The following MON2 variants were observed in gnomAD, a reference collection of about 807,000 sequenced individuals.
MON2 encodes the protein MON2 regulator of endosome-to-Golgi trafficking.
A neutral mutation model predicts 208.6 loss-of-function variants in MON2; 84 were observed. The ratio of observed to expected loss-of-function variants is 0.40; its 90% CI spans 0.34 to 0.48. The LOEUF is 0.48. Ranked by LOEUF, MON2 falls within the 20% of genes least tolerant of loss-of-function variation. The pLI is 0.59. For missense variants in MON2, 1,611 were observed against 2,015.4 expected (o/e 0.80, Z 3.84); for synonymous variants, 660 against 694.0 (o/e 0.95, Z 0.77).
chr12:62,547,257 C>T (rs1256728250), intron 22 of MON2, among the ~76,000 whole-genome samples, 185 bp downstream of exon 22: 1 of 152,122 alleles, frequency 6.6e-6, no homozygotes, highest in Non-Finnish European at 1.5e-5. Flanking sequence ...TTTTTCTTAA[C>T]TCTACCCCTA....
At chr12:62,564,937 T>C (rs935083153) in intron 26 of MON2, 2 of 233,746 alleles carry the variant, frequency 8.6e-6, no homozygotes, top group Non-Finnish European at 1.6e-5. Context: ...ACTGAACAAA[T>C]GATCAGATTG....
chr12:62,580,303 C>G lies in MON2; in HGVS notation c.4582C>G (p.Gln1528Glu), dbSNP rs775543995. ...TTTGCCTCTTTTGTTTTAGGTAGTTCAACTTATCAGCAATGAGATACTACC... is the reference window on the plus strand; with the variant it reads ...TTTGCCTCTTTTGTTTTAGGTAGTTGAACTTATCAGCAATGAGATACTACC... ...RNENIDVEVV[Q>E]LISNEILPYA... Residue 1528 changes from glutamine to glutamate, a missense_variant, in exon 32 of 35, where the codon CAA (glutamine) becomes GAA (glutamate). Physicochemically the swap from Gln to Glu is conservative, Grantham distance 29. Coordinates refer to ENST00000393630, the MANE Select transcript of MON2 (RefSeq NM_015026.3). 1.4e-5 allele frequency: 23 copies of G among 1,609,710 alleles called. No individual in the cohort carries two copies. The highest frequency in any genetic ancestry group is 1.9e-5 in the Non-Finnish European group (22 of 1,177,770).
At chr12:62,570,878 C>T (rs2074572467) in intron 29 of MON2, among the ~76,000 whole-genome samples, 2 of 151,396 alleles carry the variant, frequency 1.3e-5, no homozygotes, top group Non-Finnish European at 1.5e-5. Flanking sequence ...ACTATAGGCA[C>T]GTGCCACCAC....
rs1051390727 is a variant in MON2, at chr12:62,595,648, C to T, written c.*2899C>T. 1 of 152,006 alleles carries T rather than the reference C, an allele frequency of 6.6e-6. No individual in the cohort carries two copies. Among genetic ancestry groups the T allele is most frequent in the African/African-American group, 2.4e-5 (1 of 41,376 alleles). 9.4% of individuals were successfully genotyped at this position (152,006 alleles called of 1,614,324 possible). On this transcript the variant is annotated 3_prime_UTR_variant, in exon 35 of 35. Transcript: ENST00000393630. ...TAGTTTCCTATGCTACCACCACTGCCAAGGGAGAAAAAAATACATCATTTT... is the reference window on the plus strand; with the variant it reads ...TAGTTTCCTATGCTACCACCACTGCTAAGGGAGAAAAAAATACATCATTTT...
At chr12:62,536,310 T>A (rs2072966231) in intron 14 of MON2, among the ~76,000 whole-genome samples, 1 of 152,210 alleles carries the variant, frequency 6.6e-6, no homozygotes, top group Admixed American at 6.5e-5. Flanking sequence ...TCTTGTTGAA[T>A]TCTTTAAGAA....
intron 33 of MON2, among the ~76,000 whole-genome samples, chr12:62,587,686 C>T (rs930762370): frequency 6.6e-6 from 1 of 152,080 alleles, no homozygotes; most frequent in African/African-American, 2.4e-5. Flanking sequence ...CTGCAGTGAG[C>T]TGTGATCTCA....
chr12:62,555,399 G>A lies in MON2; in HGVS notation c.3211-595G>A, dbSNP rs530549261. ...GGGTTTCGCCATGTTGCCCAGGCTG[G>A]TCTTGAACTCCTGGGCTCAAGCAAT... On this transcript the variant is annotated intron_variant, in intron 24 of 34. Transcript: ENST00000393630. 5.3e-3 allele frequency among the ~76,000 whole-genome samples: 805 copies of A among 152,026 alleles called. 4 individuals carry two copies. The highest frequency in any genetic ancestry group is 0.02 in the Middle Eastern group (6 of 294).
intron 2 of MON2, among the ~76,000 whole-genome samples, chr12:62,486,160 G>A (rs534755649): frequency 2.0e-5 from 3 of 152,144 alleles, no homozygotes; most frequent in African/African-American, 7.2e-5. Flanking sequence ...AATATTTACT[G>A]TTGCTAATAT....
chr12:62,542,497 A>G (rs2073283117), intron 19 of MON2, among the ~76,000 whole-genome samples: 1 of 152,190 alleles, frequency 6.6e-6, no homozygotes, highest in South Asian at 2.1e-4. Flanking sequence ...GATTAGAGAT[A>G]ACTGCCCTTT....
intron 31 of MON2, among the ~76,000 whole-genome samples, chr12:62,579,257 TA>T (rs1197910244): frequency 6.6e-6 from 1 of 150,748 alleles, no homozygotes; most frequent in Non-Finnish European, 1.5e-5. Context: ...AAAAAAAAAG[TA>T]AAAAAAATAA....
chr12:62,494,123 A>T, intron 3 of MON2, 81 bp downstream of exon 3: 1 of 1,273,894 alleles, frequency 7.8e-7, no homozygotes. Flanking sequence ...CATACCTGAT[A>T]TTTAATATAA....
At chr12:62,472,014 A>AG (rs1463201712) in intron 1 of MON2, among the ~76,000 whole-genome samples, 1 of 152,202 alleles carries the variant, frequency 6.6e-6, no homozygotes, top group African/African-American at 2.4e-5. Context: ...TAAAAGAAGT[A>AG]GGGGGTGGCA....
chr12:62,482,792 G>A (rs2069522257), intron 1 of MON2: 2 of 152,238 alleles, frequency 1.3e-5, no homozygotes, highest in Admixed American at 1.3e-4. Context: ...AGCACTTTGG[G>A]AGGCTGAGGT....
At position 62,594,189 on chromosome 12, in the gene MON2, T is replaced by G. The variant is rs2075472182; in HGVS notation, c.*1440T>G. 6.6e-6 allele frequency: 1 copy of G among 152,156 alleles called. No homozygotes were observed. The highest frequency in any genetic ancestry group is 2.4e-5 in the African/African-American group (1 of 41,466). The allele number at this position is 152,156 out of a possible 1,614,324, so 9.4% of individuals were successfully genotyped here. On this transcript the variant is annotated 3_prime_UTR_variant, in exon 35 of 35. Transcript: ENST00000393630. ...TGGTCTCAGTATTATTTTAGTGTAT[T>G]GGAAGGTCTTTGATCTTAATAGAAT...
At chr12:62,578,352 A>G (rs571515669) in intron 30 of MON2, 93 bp from the exon 31 acceptor site, 8 of 818,104 alleles carry the variant, frequency 9.8e-6, no homozygotes, top group African/African-American at 9.0e-5. Context: ...GTTGGAAGAC[A>G]TAATTTTTTG....
rs1177411892 is a variant in MON2, at chr12:62,598,530, A to C, written c.*5781A>C. On this transcript the variant is annotated 3_prime_UTR_variant, in exon 35 of 35. Coordinates refer to ENST00000393630, the MANE Select transcript of MON2 (RefSeq NM_015026.3). ...ACTGTGCAAATTTCATTTGCTTTCC[A>C]TCTCTTACTACTACCTCTGTGTCAT... The C allele has an allele frequency of 6.6e-6, 1 of 152,166 alleles. No individual in the cohort carries two copies. The highest frequency in any genetic ancestry group is 1.5e-5 in the Non-Finnish European group (1 of 68,010). 9.4% of individuals were successfully genotyped at this position (152,166 alleles called of 1,614,324 possible). A position where few individuals can be genotyped will look rare whatever the true frequency, so the allele number is the denominator to read the frequency against.
chr12:62,470,767 A>G lies in MON2; in HGVS notation c.111+3449A>G, dbSNP rs1304192256. 4 of 1,091,990 alleles carry G rather than the reference A, an allele frequency of 3.7e-6. No homozygotes were observed. The Admixed American group carries it at 1.5e-4, about 40-fold the overall frequency. The allele number at this position is 1,091,990 out of a possible 1,614,324, so 67.6% of individuals were successfully genotyped here. The stretch of plus-strand genomic sequence containing the variant: ...AGGGGAGTCATTCCTAGCAGAGGAA[A>G]TAGCACACGTTGTTAGTATTCCATG... On this transcript the variant is annotated intron_variant, in intron 1 of 34. Transcript: ENST00000393630.
chr12:62,565,346 A>G lies in MON2; in HGVS notation c.4142A>G (p.Glu1381Gly). 3 of 1,609,582 alleles carry G rather than the reference A, an allele frequency of 1.9e-6. No individual in the cohort carries two copies. Among genetic ancestry groups the G allele is most frequent in the Non-Finnish European group, 2.5e-6 (3 of 1,178,392 alleles). The stretch of plus-strand genomic sequence containing the variant: ...AAACCTCCACAGTATGGACAGCTGG[A>G]AACAAAGCACATTGCAAATGCAAAA... Reference protein sequence around the residue: ...SCKPPQYGQLETKHIANAKYN... With the variant: ...SCKPPQYGQLGTKHIANAKYN... The change falls in exon 27 of 35, where the codon GAA (glutamate) becomes GGA (glycine). Residue 1381 changes from glutamate to glycine, a missense_variant. Coordinates refer to ENST00000393630, the MANE Select transcript of MON2 (RefSeq NM_015026.3).
At chr12:62,583,960 C>CAA (rs1301473051) in intron 32 of MON2, among the ~76,000 whole-genome samples, 43 of 55,880 alleles carry the variant, frequency 7.7e-4, no homozygotes, top group African/African-American at 1.5e-3. Flanking sequence ...GACCCTGTCT[C>CAA]AAAAAAAAAA....
Sources: gnomAD v4.1 joint callset for allele counts (sites outside exome capture counted in the v4.1 genomes callset) on GRCh38, gnomAD v4.1.1 for gene constraint, MANE v1.5 for transcripts, NCBI Gene and HGNC (gene_info 2026-07-23, HGNC 2026-07-21) for gene names.